IKBIP: variants seen among roughly 807,000 people sequenced by gnomAD.
The protein encoded by IKBIP is IKBKB interacting protein.
In IKBIP, 28 loss-of-function variants were observed where a neutral mutation model predicts 31.0. The observed-to-expected ratio is 0.90, with a 90% CI of 0.67 to 1.24. The LOEUF (loss-of-function observed/expected upper bound fraction) is 1.24. IKBIP is among the 50% of genes most tolerant of loss of function. The pLI is 0.00. For missense variants in IKBIP, 453 were observed against 441.9 expected, an observed-to-expected ratio of 1.03 and a Z score of -0.23; for synonymous variants, 164 against 160.3, an observed-to-expected ratio of 1.02 and a Z score of -0.17.
chr12:98,632,144 G>A (rs560004420), intron 2 of IKBIP, among the ~76,000 whole-genome samples: 3 of 151,918 alleles, frequency 2.0e-5, no homozygotes, highest in East Asian at 3.9e-4. Context: ...GTGAGCCACC[G>A]CGTCCGGCCT....
In IKBIP at chr12:98,624,302, T is replaced by C; in HGVS notation, c.*1628A>G. ...AATATAAAAGTAAACAAATAGAATT[T>C]TGTCAGTGCACGCAAATAAGAGACA... is the stretch of plus-strand genomic sequence containing the variant. On this transcript the variant is annotated 3_prime_UTR_variant, in exon 3 of 3. Coordinates refer to ENST00000299157, the MANE Select transcript of IKBIP (RefSeq NM_153687.4). The C allele has an allele frequency of 1.0e-6, 1 of 973,440 alleles. No homozygotes were observed. Among genetic ancestry groups the C allele is most frequent in the Non-Finnish European group, 1.2e-6 (1 of 819,040 alleles). The allele number at this position is 973,440 out of a possible 1,614,324, so 60.3% of individuals were successfully genotyped here. A position where few individuals can be genotyped will look rare whatever the true frequency, so the allele number is the denominator to read the frequency against.
chr12:98,630,091 A>G (rs2097618513), intron 2 of IKBIP, among the ~76,000 whole-genome samples: 1 of 152,058 alleles, frequency 6.6e-6, no homozygotes, highest in East Asian at 1.9e-4. Flanking sequence ...TCTTAAAGAA[A>G]GAGCTAGTAG....
chr12:98,616,111 G>T (rs1475005270), intron 2 of IKBIP, among the ~76,000 whole-genome samples: 1 of 151,702 alleles, frequency 6.6e-6, no homozygotes, highest in Non-Finnish European at 1.5e-5. Context: ...CCCACTCACA[G>T]TGTACGATGG....
intron 2 of IKBIP, among the ~76,000 whole-genome samples, chr12:98,615,294 C>G (rs2097605647): frequency 6.6e-6 from 1 of 151,856 alleles, no homozygotes; most frequent in Non-Finnish European, 1.5e-5. Flanking sequence ...ATGCAATAGC[C>G]CCATCTCTGC....
chr12:98,615,119 T>C (rs1211197198), intron 2 of IKBIP, among the ~76,000 whole-genome samples: 2 of 152,254 alleles, frequency 1.3e-5, no homozygotes, highest in East Asian at 1.9e-4. Context: ...AATATTTTGA[T>C]ATACATATCT....
intron 1 of IKBIP, among the ~76,000 whole-genome samples, chr12:98,641,172 T>A (rs536328097): frequency 6.6e-6 from 1 of 152,184 alleles, no homozygotes; most frequent in African/African-American, 2.4e-5. Flanking sequence ...GACAATGATA[T>A]AGTGTGATTC....
chr12:98,636,220 T>G (rs755109491), intron 1 of IKBIP, among the ~76,000 whole-genome samples: 11 of 152,220 alleles, frequency 7.2e-5, no homozygotes, highest in Non-Finnish European at 1.0e-4. Context: ...TGTAATAACC[T>G]GGCAGCTTTA....
chr12:98,620,674 G>C (rs2097609398), downstream of IKBIP, among the ~76,000 whole-genome samples: 2 of 152,026 alleles, frequency 1.3e-5, no homozygotes, highest in African/African-American at 2.4e-5. Context: ...TAGGTTCTTT[G>C]AATTCTATTA....
intron 2 of IKBIP, among the ~76,000 whole-genome samples, chr12:98,632,994 C>CA (rs1012248075): frequency 5.1e-4 from 78 of 152,226 alleles, no homozygotes; most frequent in African/African-American, 1.9e-3. Context: ...AAATCCCTTA[C>CA]ACTCACCATC....
In IKBIP at chr12:98,631,571, G is replaced by A. The variant is rs576806941; in HGVS notation, c.297+2725C>T. Reference sequence around the variant, plus strand: ...GCTGGGATTACAGGTGTGAACCACCGTGCCCAGCCTGGCCAACATGGTGAA... The same window carrying A: ...GCTGGGATTACAGGTGTGAACCACCATGCCCAGCCTGGCCAACATGGTGAA... On this transcript the variant is annotated intron_variant, in intron 2 of 2. Transcript: ENST00000299157. 1.1e-3 allele frequency among the ~76,000 whole-genome samples: 162 copies of A among 150,084 alleles called. 1 individual carries two copies. In the Middle Eastern group the frequency reaches 0.02, roughly 19 times the overall value.
Position 98,644,668 on chromosome 12 carries a change from G to A in IKBIP, c.34C>T (p.Pro12Ser). 6.2e-7 allele frequency: 1 copy of A among 1,610,596 alleles called. No individual in the cohort carries two copies. Among genetic ancestry groups the A allele is most frequent in the Non-Finnish European group, 8.5e-7 (1 of 1,179,136 alleles). The stretch of plus-strand genomic sequence containing the variant: ...GGCTCCGCAGCAGGGGCTCCCTTGG[G>A]CCCCGACTTCTTCCGGCTCTTCACC... ...SEVKSRKKSG[P>S]KGAPAAEPGK... Residue 12 changes from proline to serine, a missense_variant, in exon 1 of 3, where the codon CCC becomes TCC. Coordinates refer to ENST00000299157, the MANE Select transcript of IKBIP (RefSeq NM_153687.4).
intron 2 of IKBIP, among the ~76,000 whole-genome samples, chr12:98,632,379 T>A (rs1212251988): frequency 7.0e-6 from 1 of 142,776 alleles, no homozygotes; most frequent in Non-Finnish European, 1.5e-5. Flanking sequence ...GGAGGCTGAG[T>A]TGGGAGGAGT....
At chr12:98,632,613 G>A (rs1326263357) in intron 2 of IKBIP, among the ~76,000 whole-genome samples, 2 of 113,646 alleles carry the variant, frequency 1.8e-5, no homozygotes, top group Non-Finnish European at 3.4e-5. Context: ...GCTACAACCA[G>A]ATTCCAATTT....
intron 2 of IKBIP, among the ~76,000 whole-genome samples, chr12:98,617,966 C>G (rs968753550): frequency 1.3e-5 from 2 of 152,182 alleles, no homozygotes; most frequent in Non-Finnish European, 2.9e-5. Context: ...TACTGTACTA[C>G]AGTATGTCCT....
intron 2 of IKBIP, among the ~76,000 whole-genome samples, chr12:98,628,599 C>T (rs2097616991): frequency 6.6e-6 from 1 of 152,202 alleles, no homozygotes; most frequent in Admixed American, 6.5e-5. Context: ...ACCTATTACA[C>T]ATATATTTGC....
chr12:98,623,695 C>T (rs1292676821), downstream of IKBIP, among the ~76,000 whole-genome samples: 1 of 149,772 alleles, frequency 6.7e-6, no homozygotes, highest in African/African-American at 2.5e-5. Context: ...GGCACTGTGC[C>T]TGGCCACTTT....
At chr12:98,640,886 C>G (rs2097629797) in intron 1 of IKBIP, among the ~76,000 whole-genome samples, 1 of 152,112 alleles carries the variant, frequency 6.6e-6, no homozygotes. Context: ...CTCAACCCCC[C>G]AAGTAGCTGG....
Position 98,644,575 on chromosome 12 carries a change from G to C in IKBIP, c.127C>G (p.Pro43Ala), listed in dbSNP as rs778499033. ...RSSGGGGWAD[P>A]RTCLSLLSLG... ...GACAGCAGGCTCAGGCACGTTCGGGGGTCTGCCCAGCCCCCGCCTCCGCTG... is the reference window on the plus strand; with the variant it reads ...GACAGCAGGCTCAGGCACGTTCGGGCGTCTGCCCAGCCCCCGCCTCCGCTG... The change falls in exon 1 of 3, where the codon CCC (proline) becomes GCC (alanine). Residue 43 changes from proline to alanine, a missense_variant. Transcript: ENST00000299157. The C allele has an allele frequency of 6.2e-7, 1 of 1,609,168 alleles. No individual in the cohort carries two copies. Among genetic ancestry groups the C allele is most frequent in the African/African-American group, 1.3e-5 (1 of 74,846 alleles).
downstream of IKBIP, among the ~76,000 whole-genome samples, chr12:98,621,630 AC>A (rs1341906223): frequency 2.0e-5 from 3 of 152,164 alleles, no homozygotes; most frequent in Non-Finnish European, 4.4e-5. Context: ...AATTGAACAG[AC>A]CTAGGTCTAC....
Sources: allele counts gnomAD v4.1 joint callset (sites outside exome capture counted in the v4.1 genomes callset), GRCh38; gene constraint gnomAD v4.1.1; transcripts MANE v1.5; gene names NCBI Gene and HGNC (gene_info 2026-07-23, HGNC 2026-07-21).